CTDP1: variants seen among roughly 807,000 people sequenced by gnomAD.
CTDP1 encodes RNA polymerase II subunit A C-terminal domain phosphatase.
A neutral mutation model predicts 91.8 loss-of-function variants in CTDP1; 47 were observed. The ratio of observed to expected loss-of-function variants is 0.51; its 90% confidence interval spans 0.41 to 0.65. The LOEUF is 0.65. Ranked by LOEUF, CTDP1 falls within the 30% of genes least tolerant of loss-of-function variation. The pLI is 0.00. For synonymous variants in CTDP1, 656 were observed against 598.5 expected, an observed-to-expected ratio of 1.10 and a Z score of -1.40; for missense variants, 1,272 against 1,373.7, an observed-to-expected ratio of 0.93 and a Z score of 1.17.
rs112670571 is a variant in CTDP1 at position 79,728,382 on chromosome 18, G to A, written c.2418-525G>A. On this transcript the variant is annotated intron_variant, in intron 10 of 12. Transcript: ENST00000613122. The stretch of plus-strand genomic sequence containing the variant: ...CCCAAAGTGCTGGCTTTACAAGCAT[G>A]AGCCACCGTGCTGACCTGTGAAATG... Among the ~76,000 whole-genome samples the A allele has an allele frequency of 3.1e-3, 473 of 152,322 alleles. 3 individuals carry two copies. The highest frequency in any genetic ancestry group is 0.011 in the African/African-American group (450 of 41,554).
chr18:79,705,599 C>T (rs1361958757), intron 5 of CTDP1, among the ~76,000 whole-genome samples: 1 of 151,468 alleles, frequency 6.6e-6, no homozygotes, highest in African/African-American at 2.4e-5. Context: ...GGACGGCGAC[C>T]GTCTGTCCCA....
chr18:79,685,568 G>C (rs376319485), intron 1 of CTDP1: 1 of 152,186 alleles, frequency 6.6e-6, no homozygotes, highest in East Asian at 1.9e-4. Flanking sequence ...GAAAAACATT[G>C]CTGAATAAAA....
At chr18:79,729,694 CT>C (rs573034842) in intron 11 of CTDP1, among the ~76,000 whole-genome samples, 64 of 152,370 alleles carry the variant, frequency 4.2e-4, no homozygotes, top group African/African-American at 1.5e-3. Context: ...AGGCCGCCCC[CT>C]GATAGAAGGT....
At chr18:79,688,796 T>C (rs1334851221) in intron 1 of CTDP1, among the ~76,000 whole-genome samples, 1 of 152,242 alleles carries the variant, frequency 6.6e-6, no homozygotes. Flanking sequence ...TGCCTCAGCC[T>C]CGCTAAGTGC....
chr18:79,680,062 G>A lies in CTDP1; in HGVS notation c.115G>A (p.Ala39Thr). 1.6e-6 allele frequency: 2 copies of A among 1,253,754 alleles called. No individual in the cohort carries two copies. Among genetic ancestry groups the A allele is most frequent in the South Asian group, 3.0e-5 (1 of 33,228 alleles). The allele number at this position is 1,253,754 out of a possible 1,614,324, so 77.7% of individuals were successfully genotyped here. ...PLRLLEWRVA[A>T]GAAVRIGSVL... Reference sequence around the variant, plus strand: ...GCGCCTGCTGGAGTGGAGGGTGGCGGCGGGCGCGGCCGTGCGCATCGGCTC... The same window carrying A: ...GCGCCTGCTGGAGTGGAGGGTGGCGACGGGCGCGGCCGTGCGCATCGGCTC... The change falls in exon 1 of 13, where the codon GCG becomes ACG. Residue 39 changes from alanine to threonine, a missense_variant. Physicochemically the swap from Ala to Thr is moderately conservative, Grantham distance 58. Transcript: ENST00000613122.
Position 79,713,137 on chromosome 18 carries a change from A to G in CTDP1, c.1029A>G (p.Lys343=), listed in dbSNP as rs764228075. The G allele has an allele frequency of 6.2e-7, 1 of 1,613,982 alleles. No individual in the cohort carries two copies. Among genetic ancestry groups the G allele is most frequent in the Non-Finnish European group, 8.5e-7 (1 of 1,179,906 alleles). The change falls in exon 7 of 13, where the codon AAA becomes AAG. Residue 343 remains lysine, a splice_region_variant and synonymous_variant. Transcript: ENST00000613122. The surrounding 1 kb of genome is among the most constrained non-coding windows in gnomAD (Gnocchi z 4.7). ...PGSRESQTRK[K]VNHSRGTEVS... The stretch of plus-strand genomic sequence containing the variant: ...CCCGAGAATCTCAGACGAGAAAGAA[A>G]GGTGGGTAACCTCCTTCCTGATTCT...
chr18:79,679,888 C>G lies in CTDP1; in HGVS notation c.-60C>G, dbSNP rs1183470170. 2 of 1,314,850 alleles carry G rather than the reference C, an allele frequency of 1.5e-6. No individual in the cohort carries two copies. Among genetic ancestry groups the G allele is most frequent in the East Asian group, 3.3e-5 (1 of 30,036 alleles). The allele number at this position is 1,314,850 out of a possible 1,614,324, so 81.4% of individuals were successfully genotyped here. A position where few individuals can be genotyped will look rare whatever the true frequency, so the allele number is the denominator to read the frequency against. ...GCCTGGGTTGTGTCGCCGCGGTAGG[C>G]GCTGCGCTCTGAGCGCAGCGCAGGC... On this transcript the variant is annotated 5_prime_UTR_variant, in exon 1 of 13. Transcript: ENST00000613122.
chr18:79,707,688 G>A (rs946805217), intron 5 of CTDP1, among the ~76,000 whole-genome samples: 29 of 152,206 alleles, frequency 1.9e-4, no homozygotes, highest in African/African-American at 7.0e-4. Flanking sequence ...GCCCAGCAAC[G>A]CAGGAGGAAG....
intron 4 of CTDP1, among the ~76,000 whole-genome samples, chr18:79,704,502 G>A (rs1230198917): frequency 6.6e-6 from 1 of 151,596 alleles, no homozygotes; most frequent in Non-Finnish European, 1.5e-5. Context: ...GCTCACATGT[G>A]TCCTCTGTCC....
Position 79,715,422 on chromosome 18 carries a change from G to T in CTDP1, c.1962G>T (p.Thr654=). 1 of 1,599,856 alleles carries T rather than the reference G, an allele frequency of 6.3e-7. No homozygotes were observed. Among genetic ancestry groups the T allele is most frequent in the South Asian group, 1.1e-5 (1 of 88,584 alleles). The part of the protein sequence containing the change: ...LHPTNFPIEK[T]REHYHATALG... ...CGACAAACTTCCCGATAGAGAAGAC[G>T]CGGGAGCATTACCACGCCACGGCGC... The change falls in exon 8 of 13, where the codon ACG becomes ACT. Residue 654 remains threonine, a synonymous_variant. Coordinates refer to ENST00000613122, the MANE Select transcript of CTDP1 (RefSeq NM_004715.5).
intron 2 of CTDP1, among the ~76,000 whole-genome samples, chr18:79,695,772 A>G (rs2085734158): frequency 6.6e-6 from 1 of 152,198 alleles, no homozygotes; most frequent in Non-Finnish European, 1.5e-5. Context: ...CTGTGTGTTC[A>G]TGAGTGTGGC....
Position 79,754,023 on chromosome 18 carries a change from G to T in CTDP1, c.*233G>T. 1 of 606,120 alleles carries T rather than the reference G, an allele frequency of 1.6e-6. No homozygotes were observed. Among genetic ancestry groups the T allele is most frequent in the Non-Finnish European group, 2.8e-6 (1 of 355,788 alleles). 37.5% of individuals were successfully genotyped at this position (606,120 alleles called of 1,614,324 possible). On this transcript the variant is annotated 3_prime_UTR_variant, in exon 13 of 13. Coordinates refer to ENST00000613122, the MANE Select transcript of CTDP1 (RefSeq NM_004715.5). The stretch of plus-strand genomic sequence containing the variant: ...GGTGTTAAAGGCCCAGGTGTGCTGT[G>T]CCAAAGAGCTCAGCAGAGGCTCACG...
Position 79,728,968 on chromosome 18 carries a change from G to C in CTDP1, c.2479G>C (p.Glu827Gln), listed in dbSNP as rs534605542. The C allele has an allele frequency of 1.9e-5, 30 of 1,614,204 alleles. No individual in the cohort carries two copies. In the South Asian group the frequency reaches 3.0e-4, roughly 16 times the overall value. ...GEELPDAQDG[E>Q]QPGPSRRKRQ... ...AGAGCTGCCTGACGCTCAGGACGGA[G>C]AGCAGCCTGGCCCTTCTAGAAGAAA... Residue 827 changes from glutamate (E) to glutamine (Q), a missense_variant, in exon 11 of 13, where the codon GAG becomes CAG. Glu to Gln is a conservative substitution (Grantham distance 29). Transcript: ENST00000613122.
intron 12 of CTDP1, among the ~76,000 whole-genome samples, chr18:79,750,484 C>T (rs114077058): frequency 2.8e-4 from 43 of 151,594 alleles, no homozygotes; most frequent in African/African-American, 7.0e-4. Flanking sequence ...GTGCACTTCC[C>T]GCTACTCTGC....
chr18:79,723,788 C>T (rs1027820871), intron 10 of CTDP1, among the ~76,000 whole-genome samples: 16 of 152,194 alleles, frequency 1.1e-4, no homozygotes, highest in African/African-American at 3.9e-4. Context: ...GCTTCCCCTT[C>T]CCTGACCCTT....
chr18:79,743,429 G>A (rs946296039), intron 12 of CTDP1, among the ~76,000 whole-genome samples: 2 of 151,504 alleles, frequency 1.3e-5, no homozygotes, highest in Non-Finnish European at 2.9e-5. Flanking sequence ...AGGAGGCTGA[G>A]GCAGGAGAAT....
chr18:79,749,406 ACCC>A (rs2086948072), intron 12 of CTDP1, among the ~76,000 whole-genome samples: 1 of 150,666 alleles, frequency 6.6e-6, no homozygotes. Flanking sequence ...ACCTGCCAGC[ACCC>A]CCGAGTCTGG....
intron 11 of CTDP1, among the ~76,000 whole-genome samples, chr18:79,731,110 T>G (rs1268806545): frequency 6.6e-6 from 1 of 152,064 alleles, no homozygotes; most frequent in Non-Finnish European, 1.5e-5. Context: ...TGCCCCCGGG[T>G]GCTCCCTGGA....
intron 12 of CTDP1, among the ~76,000 whole-genome samples, chr18:79,751,476 G>A (rs950623879): frequency 6.6e-6 from 1 of 152,152 alleles, no homozygotes; most frequent in Admixed American, 6.5e-5. Context: ...CGAACAGTTG[G>A]GTTCTCTGAA....
Sources: gnomAD v4.1 joint callset for allele counts (sites outside exome capture counted in the v4.1 genomes callset) on GRCh38, gnomAD v4.1.1 for gene constraint, Gnocchi (gnomAD v3.1) non-coding constraint, MANE v1.5 for transcripts, NCBI Gene and HGNC (gene_info 2026-07-23, HGNC 2026-07-21) for gene names.